The following CR2 variants were observed in gnomAD, a reference collection of about 807,000 sequenced individuals.
CR2 encodes complement receptor type 2.
In CR2, 96 loss-of-function variants were observed where a neutral mutation model predicts 123.0. The observed-to-expected ratio is 0.78, with a 90% CI of 0.66 to 0.93. The LOEUF is 0.93. CR2 is among the 40% of genes least tolerant of loss of function. The pLI is 0.00. For synonymous variants in CR2, 484 were observed against 469.5 expected (o/e 1.03, Z -0.40); for missense variants, 1,258 against 1,361.0 (o/e 0.92, Z 1.19).
At chr1:207,470,542 A>AAAC (rs747380769) in intron 6 of CR2, among the ~76,000 whole-genome samples, 198 bp from the exon 7 acceptor site, 37 of 152,070 alleles carry the variant, frequency 2.4e-4, no homozygotes, top group East Asian at 5.8e-4. Flanking sequence ...TCTGTGCAGA[A>AAAC]AACAACAACA....
Position 207,477,444 on chromosome 1 carries a change from C to A in CR2, c.2903-441C>A, listed in dbSNP as rs188820915. 3.3e-3 allele frequency among the ~76,000 whole-genome samples: 501 copies of A among 152,224 alleles called. 2 individuals carry two copies. The highest frequency in any genetic ancestry group is 6.4e-3 in the South Asian group (31 of 4,814). On this transcript the variant is annotated intron_variant, in intron 15 of 19. Coordinates refer to ENST00000367057, the MANE Select transcript of CR2 (RefSeq NM_001006658.3). Reference sequence around the variant, plus strand: ...ATTCAACATGAGATTTGAGTGGGGACACAGCCAAACCATATCACTCACACT... The same window carrying A: ...ATTCAACATGAGATTTGAGTGGGGAAACAGCCAAACCATATCACTCACACT...
chr1:207,459,216 G>A (rs887947402), intron 1 of CR2, among the ~76,000 whole-genome samples: 1 of 152,112 alleles, frequency 6.6e-6, no homozygotes, highest in Admixed American at 6.6e-5. Context: ...TTTTGTGCAC[G>A]GTTGTGGTTT....
At position 207,489,871 on chromosome 1, in the gene CR2, T is replaced by A. The variant is rs934995647; in HGVS notation, c.*748T>A. 2 of 151,360 alleles carry A rather than the reference T, an allele frequency of 1.3e-5. No homozygotes were observed. The highest frequency in any genetic ancestry group is 4.9e-5 in the African/African-American group (2 of 41,156). The allele number at this position is 151,360 out of a possible 1,614,324, so 9.4% of individuals were successfully genotyped here. ...ATGTGTACATTAGTCATTCAATAAA[T>A]TGTAATTGTAAAGAAAACATACAAC... On this transcript the variant is annotated 3_prime_UTR_variant, in exon 20 of 20. Transcript: ENST00000367057.
chr1:207,485,952 C>T (rs1454812883), intron 19 of CR2, among the ~76,000 whole-genome samples: 4 of 152,044 alleles, frequency 2.6e-5, no homozygotes, highest in Admixed American at 1.3e-4. Context: ...GAGCCAGGGC[C>T]GGCCTTGGTG....
chr1:207,468,525 A>G lies in CR2; in HGVS notation c.446-2A>G, dbSNP rs1481285569. 1.2e-6 allele frequency: 2 copies of G among 1,613,738 alleles called. No homozygotes were observed. The highest frequency in any genetic ancestry group is 1.7e-4 in the Middle Eastern group (1 of 6,056). On this transcript the variant is annotated splice_acceptor_variant, in intron 2 of 19. Transcript: ENST00000367057. LOFTEE classifies it high-confidence loss of function. ...TTTTTTTCCTGGTATGTGTGTGTAA[A>G]GTTTTCCCTCTCGAGTGTCCAGCAC...
At chr1:207,487,362 C>A (rs1285079539) in intron 19 of CR2, among the ~76,000 whole-genome samples, 1 of 152,172 alleles carries the variant, frequency 6.6e-6, no homozygotes, top group African/African-American at 2.4e-5. Flanking sequence ...TCTCAGCTCA[C>A]TGCAGCCTCT....
intron 10 of CR2, 144 bp downstream of exon 10, chr1:207,473,323 T>G (rs754420285): frequency 9.1e-6 from 10 of 1,101,626 alleles, no homozygotes; most frequent in Non-Finnish European, 1.3e-5. Flanking sequence ...AGATGTTCTC[T>G]GTGTTGTGTG....
Position 207,469,764 on chromosome 1 carries a change from CAT to C in CR2, c.890_891del (p.Tyr297TrpfsTer9). ...ATAGGCAACTCACTAGCAAATGTCT[CAT>C]ATGGAAGCATAGTCACTTACACTTG... On this transcript the variant is annotated frameshift_variant, in exon 6 of 20. Coordinates refer to ENST00000367057, the MANE Select transcript of CR2 (RefSeq NM_001006658.3). LOFTEE classifies it high-confidence loss of function. 6.2e-7 allele frequency: 1 copy of C among 1,613,908 alleles called. No individual in the cohort carries two copies. Among genetic ancestry groups the C allele is most frequent in the Non-Finnish European group, 8.5e-7 (1 of 1,179,892 alleles).
chr1:207,479,159 A>G (rs1205945965), intron 16 of CR2, 98 bp from the exon 17 acceptor site: 10 of 919,474 alleles, frequency 1.1e-5, no homozygotes, highest in Non-Finnish European at 1.5e-5. Flanking sequence ...GAAGGGAGCT[A>G]GAGTGTTGAT....
chr1:207,454,328 A>G lies in CR2; in HGVS notation c.-91A>G. 3 of 1,149,868 alleles carry G rather than the reference A, an allele frequency of 2.6e-6. No homozygotes were observed. Among genetic ancestry groups the G allele is most frequent in the Admixed American group, 4.0e-5 (2 of 50,522 alleles). 71.2% of individuals were successfully genotyped at this position (1,149,868 alleles called of 1,614,324 possible). On this transcript the variant is annotated 5_prime_UTR_variant, in exon 1 of 20. Coordinates refer to ENST00000367057, the MANE Select transcript of CR2 (RefSeq NM_001006658.3). The surrounding 1 kb of genome is among the most constrained non-coding windows in gnomAD (Gnocchi z 4.3). ...TAAGGGCCCGCCTCTCCTGGCTCAC[A>G]GCTGCTTGCTGCTCCAGCCTTGCCC... is the stretch of plus-strand genomic sequence containing the variant.
rs150340715 is a variant in CR2 at position 207,486,721 on chromosome 1, G to A, written c.*18+1149G>A. Among the ~76,000 whole-genome samples, 1,239 of 152,268 alleles carry A rather than the reference G, an allele frequency of 8.1e-3. 17 individuals carry two copies. Among genetic ancestry groups the A allele is most frequent in the African/African-American group, 0.028 (1,165 of 41,548 alleles). On this transcript the variant is annotated intron_variant, in intron 19 of 19. Transcript: ENST00000367057. Reference sequence around the variant, plus strand: ...ATGCAATTTTAAGACAGTGACAGTAGGATTCGTGGATAGTTTGTATCAGAA... The same window carrying A: ...ATGCAATTTTAAGACAGTGACAGTAAGATTCGTGGATAGTTTGTATCAGAA...
rs1417627455 is a variant in CR2, at chr1:207,475,630, AT to A, written c.2716+416del. 2.6e-5 allele frequency among the ~76,000 whole-genome samples: 4 copies of A among 152,146 alleles called. No individual in the cohort carries two copies. In the East Asian group the frequency reaches 7.7e-4, roughly 29 times the overall value. ...ATTAATTGGCCCTCCAACCCATTGA[AT>A]TGTCTTTCTTGTAATTGTAGTTATC... On this transcript the variant is annotated intron_variant, in intron 14 of 19. Coordinates refer to ENST00000367057, the MANE Select transcript of CR2 (RefSeq NM_001006658.3).
chr1:207,474,927 A>G lies in CR2; in HGVS notation c.2427A>G (p.Gln809=). 6.2e-7 allele frequency: 1 copy of G among 1,614,124 alleles called. No individual in the cohort carries two copies. The highest frequency in any genetic ancestry group is 1.1e-5 in the South Asian group (1 of 91,088). Reference sequence around the variant, plus strand: ...ATGAAGTCTCTTATGAATGTGACCAAGGATTCTATCTCCTGGGAGAGAAAA... The same window carrying G: ...ATGAAGTCTCTTATGAATGTGACCAGGGATTCTATCTCCTGGGAGAGAAAA... ...YGNEVSYECD[Q]GFYLLGEKKL... Residue 809 remains glutamine, a synonymous_variant, in exon 14 of 20, where the codon CAA becomes CAG. Transcript: ENST00000367057.
intron 1 of CR2, among the ~76,000 whole-genome samples, chr1:207,466,191 C>T (rs879328366): frequency 2.6e-5 from 4 of 152,112 alleles, no homozygotes; most frequent in African/African-American, 9.7e-5. Flanking sequence ...ATGGTACCTC[C>T]CCACATGTAA....
intron 5 of CR2, 120 bp downstream of exon 5, chr1:207,469,352 A>G: frequency 2.3e-6 from 2 of 861,168 alleles, no homozygotes; most frequent in South Asian, 1.4e-5. Flanking sequence ...CTTTAAGGAT[A>G]TGTGCTTCAC....
chr1:207,456,627 A>G (rs1180948206), intron 1 of CR2, among the ~76,000 whole-genome samples: 1 of 152,230 alleles, frequency 6.6e-6, no homozygotes, highest in East Asian at 1.9e-4. Context: ...GTGGCCACCT[A>G]ACTTTATCCT....
chr1:207,463,316 A>G (rs1421559389), intron 1 of CR2, among the ~76,000 whole-genome samples: 2 of 152,192 alleles, frequency 1.3e-5, no homozygotes, highest in Non-Finnish European at 2.9e-5. Flanking sequence ...CTTCCAAAAG[A>G]GATCTGAGTA....
At chr1:207,488,592 C>G (rs1030774994) in intron 19 of CR2, among the ~76,000 whole-genome samples, 1 of 152,112 alleles carries the variant, frequency 6.6e-6, no homozygotes, top group Non-Finnish European at 1.5e-5. Flanking sequence ...CCACTGCACT[C>G]CAGCCTGCTG....
At chr1:207,476,911 A>G (rs1317083569) in intron 15 of CR2, among the ~76,000 whole-genome samples, 2 of 152,278 alleles carry the variant, frequency 1.3e-5, no homozygotes, top group African/African-American at 4.8e-5. Context: ...TTTTTACTCT[A>G]TGCCAGACAC....
Sources: allele counts gnomAD v4.1 joint callset (sites outside exome capture counted in the v4.1 genomes callset), GRCh38; gene constraint gnomAD v4.1.1; non-coding constraint Gnocchi (gnomAD v3.1); transcripts MANE v1.5; gene names NCBI Gene and HGNC (gene_info 2026-07-23, HGNC 2026-07-21).